Variants in HMOX2 observed in about 807,000 individuals in gnomAD.
HMOX2 encodes heme oxygenase (decycling) 2.
Under a neutral mutation model 33.7 loss-of-function variants are expected in HMOX2, and 30 were observed. That is an observed-to-expected ratio of 0.89 (90% CI 0.67 to 1.21). HMOX2 has a LOEUF of 1.21. Among genes scored for constraint, HMOX2 ranks in the 50% most tolerant of loss-of-function variants. The pLI is 0.00. For synonymous variants in HMOX2, 155 were observed against 155.0 expected, an observed-to-expected ratio of 1.00 and a Z score of 0.00; for missense variants, 403 against 399.1, an observed-to-expected ratio of 1.01 and a Z score of -0.08.
chr16:4,482,622 A>G (rs1596444211), intron 1 of HMOX2, among the ~76,000 whole-genome samples: 1 of 152,248 alleles, frequency 6.6e-6, no homozygotes, highest in East Asian at 1.9e-4. Context: ...CTAGCTATAA[A>G]TCGAAAGTTC....
At chr16:4,499,271 G>T (rs1177665138) in intron 1 of HMOX2, among the ~76,000 whole-genome samples, 1 of 152,106 alleles carries the variant, frequency 6.6e-6, no homozygotes. Flanking sequence ...AGCACACAGT[G>T]GATTAATGGA....
chr16:4,489,501 A>G (rs755148385), intron 1 of HMOX2, among the ~76,000 whole-genome samples: 9 of 152,076 alleles, frequency 5.9e-5, no homozygotes, highest in Non-Finnish European at 8.8e-5. Context: ...GCTGTGTCAC[A>G]TAGGCTGGAG....
intron 1 of HMOX2, among the ~76,000 whole-genome samples, chr16:4,505,222 T>C (rs945139755): frequency 6.6e-6 from 1 of 152,244 alleles, no homozygotes; most frequent in Non-Finnish European, 1.5e-5. Context: ...CATTCTCTTA[T>C]ATAATCGCAG....
intron 1 of HMOX2, among the ~76,000 whole-genome samples, chr16:4,485,653 A>G (rs950120913): frequency 6.6e-6 from 1 of 152,168 alleles, no homozygotes; most frequent in African/African-American, 2.4e-5. Context: ...AACTTTACCC[A>G]TAAAAAGAGA....
chr16:4,480,575 C>G (rs60919592), intron 1 of HMOX2, among the ~76,000 whole-genome samples: 1 of 148,982 alleles, frequency 6.7e-6, no homozygotes, highest in African/African-American at 2.5e-5. Context: ...AAACTCCTGA[C>G]CTCAAGTGGT....
intron 4 of HMOX2, 72 bp from the exon 5 acceptor site, chr16:4,509,340 A>C: frequency 6.4e-7 from 1 of 1,562,414 alleles, no homozygotes; most frequent in Middle Eastern, 1.8e-4. Flanking sequence ...ACCTCATCTC[A>C]AAAGACATTT....
intron 3 of HMOX2, among the ~76,000 whole-genome samples, chr16:4,507,399 C>T (rs1275018626): frequency 1.3e-5 from 2 of 151,378 alleles, no homozygotes; most frequent in African/African-American, 2.4e-5. Flanking sequence ...GAGCCGAGAT[C>T]GTCCCACTGT....
intron 1 of HMOX2, among the ~76,000 whole-genome samples, chr16:4,477,111 C>A (rs2057875638): frequency 6.6e-6 from 1 of 152,090 alleles, no homozygotes; most frequent in Non-Finnish European, 1.5e-5. Flanking sequence ...CTATTACTTT[C>A]TGAGCGCAGT....
In HMOX2 at chr16:4,476,426, G is replaced by C. The variant is rs1466680241; in HGVS notation, c.-103G>C. On this transcript the variant is annotated 5_prime_UTR_variant, in exon 1 of 6. Transcript: ENST00000570646. ...GGGCTGCAGGGACTGCGGCGCCTGA[G>C]GGAGTCGCTGACGGGCACGCTGACT... The C allele has an allele frequency of 6.6e-6, 1 of 152,276 alleles. No individual in the cohort carries two copies. Among genetic ancestry groups the C allele is most frequent in the Non-Finnish European group, 1.5e-5 (1 of 68,054 alleles). The allele number at this position is 152,276 out of a possible 1,614,324, so 9.4% of individuals were successfully genotyped here.
intron 1 of HMOX2, among the ~76,000 whole-genome samples, chr16:4,492,351 A>G (rs2058325503): frequency 6.6e-6 from 1 of 151,844 alleles, no homozygotes; most frequent in Non-Finnish European, 1.5e-5. Flanking sequence ...AAATAAATAA[A>G]TAAATGGTTT....
intron 1 of HMOX2, among the ~76,000 whole-genome samples, chr16:4,484,395 T>C (rs2058111023): frequency 6.6e-6 from 1 of 151,932 alleles, no homozygotes; most frequent in African/African-American, 2.4e-5. Flanking sequence ...TCAGTATCTG[T>C]GGAGATTAGT....
intron 1 of HMOX2, among the ~76,000 whole-genome samples, chr16:4,492,676 G>T (rs2058332585): frequency 6.6e-6 from 1 of 151,532 alleles, no homozygotes; most frequent in South Asian, 2.1e-4. Flanking sequence ...CCAAGATCAC[G>T]CCACTGCACT....
At chr16:4,507,175 T>A (rs549404546) in intron 3 of HMOX2, among the ~76,000 whole-genome samples, 163 bp downstream of exon 3, 1 of 152,284 alleles carries the variant, frequency 6.6e-6, no homozygotes, top group East Asian at 1.9e-4. Flanking sequence ...CTGGGTACAG[T>A]GGCTCATGTC....
chr16:4,501,353 G>C (rs2141590540), intron 1 of HMOX2, among the ~76,000 whole-genome samples: 1 of 152,296 alleles, frequency 6.6e-6, no homozygotes, highest in East Asian at 1.9e-4. Context: ...GTTTCTGTAG[G>C]CTTTTCCATG....
At chr16:4,507,671 G>C (rs1419307316) in intron 3 of HMOX2, 42 bp from the exon 4 acceptor site, 1 of 1,592,712 alleles carries the variant, frequency 6.3e-7, no homozygotes, top group Non-Finnish European at 8.6e-7. Context: ...CTCGGATGTG[G>C]TGTGCTCAGG....
intron 1 of HMOX2, among the ~76,000 whole-genome samples, chr16:4,481,185 A>C (rs1417616221): frequency 6.6e-6 from 1 of 151,762 alleles, no homozygotes; most frequent in Middle Eastern, 3.4e-3. Flanking sequence ...TCTCTACTAA[A>C]AAATACAAAA....
At chr16:4,487,089 T>C (rs1313983240) in intron 1 of HMOX2, among the ~76,000 whole-genome samples, 1 of 152,044 alleles carries the variant, frequency 6.6e-6, no homozygotes, top group Non-Finnish European at 1.5e-5. Context: ...AGACCCTGTC[T>C]CTACAAAAAA....
At chr16:4,484,393 T>G (rs1355824296) in intron 1 of HMOX2, among the ~76,000 whole-genome samples, 1 of 152,014 alleles carries the variant, frequency 6.6e-6, no homozygotes, top group Admixed American at 6.6e-5. Flanking sequence ...CCTCAGTATC[T>G]GTGGAGATTA....
chr16:4,487,544 C>T (rs574169894), intron 1 of HMOX2, among the ~76,000 whole-genome samples: 1 of 152,262 alleles, frequency 6.6e-6, no homozygotes, highest in East Asian at 1.9e-4. Context: ...TGGCTCACAC[C>T]TGTAATCCCA....
Sources: gnomAD v4.1 joint callset for allele counts (sites outside exome capture counted in the v4.1 genomes callset) on GRCh38, gnomAD v4.1.1 for gene constraint, MANE v1.5 for transcripts, NCBI Gene and HGNC (gene_info 2026-07-23, HGNC 2026-07-21) for gene names.